Variants in SYT12 observed in about 807,000 individuals in gnomAD.
The protein encoded by SYT12 is synaptotagmin-12.
A neutral mutation model predicts 39.5 loss-of-function variants in SYT12; 27 were observed. The observed-to-expected ratio is 0.68, with a 90% CI of 0.50 to 0.94. SYT12 has a LOEUF of 0.94. SYT12 is among the 40% of genes least tolerant of loss of function. The pLI is 0.00. For synonymous variants in SYT12, 233 were observed against 239.7 expected, an observed-to-expected ratio of 0.97 and a Z score of 0.26; for missense variants, 536 against 572.6, an observed-to-expected ratio of 0.94 and a Z score of 0.65.
intron 3 of SYT12, among the ~76,000 whole-genome samples, chr11:67,039,336 C>T (rs1950452271): frequency 6.9e-6 from 1 of 145,674 alleles, no homozygotes. Context: ...CTAGGCTGGG[C>T]ACGGTGGCTC....
intron 2 of SYT12, chr11:67,030,851 C>T (rs918307011): frequency 1.3e-5 from 2 of 152,350 alleles, no homozygotes; most frequent in Non-Finnish European, 1.5e-5. Flanking sequence ...ACATACCAGC[C>T]GTCTTTTCTC....
At chr11:67,017,728 G>A (rs922386257) in intron 3 of SYT12, among the ~76,000 whole-genome samples, 2 of 151,286 alleles carry the variant, frequency 1.3e-5, no homozygotes. Flanking sequence ...GGGAGGCCAA[G>A]ACGGGTGGAT....
Position 67,044,633 on chromosome 11 carries a change from A to T in SYT12, c.878A>T (p.Tyr293Phe). ...GGGGAGATCCTGCTCTCCCTCAGCT[A>T]CCTCCCCACAGCCGAGCGCCTCACC... is the stretch of plus-strand genomic sequence containing the variant. ...AVGEILLSLS[Y>F]LPTAERLTVV... The change falls in exon 6 of 8, where the codon TAC becomes TTC. Residue 293 changes from tyrosine to phenylalanine, a missense_variant. By Grantham distance (22) the Tyr-to-Phe change is conservative. Transcript: ENST00000527043. 1 of 1,613,006 alleles carries T rather than the reference A, an allele frequency of 6.2e-7. No individual in the cohort carries two copies. Among genetic ancestry groups the T allele is most frequent in the Non-Finnish European group, 8.5e-7 (1 of 1,179,824 alleles).
At chr11:67,047,924 A>G (rs1472248651) in intron 7 of SYT12, among the ~76,000 whole-genome samples, 1 of 147,540 alleles carries the variant, frequency 6.8e-6, no homozygotes, top group Non-Finnish European at 1.5e-5. Flanking sequence ...AGTAGCTGGG[A>G]CTACAGGTGC....
intron 1 of SYT12, among the ~76,000 whole-genome samples, chr11:67,007,766 A>G (rs1425948631): frequency 6.6e-6 from 1 of 150,992 alleles, no homozygotes; most frequent in Non-Finnish European, 1.5e-5. Flanking sequence ...GTTTCCCTAC[A>G]TTGGCCAGCC....
At chr11:67,019,658 A>G (rs1248883892), upstream of SYT12, among the ~76,000 whole-genome samples, 1 of 152,068 alleles carries the variant, frequency 6.6e-6, no homozygotes, top group African/African-American at 2.4e-5. Context: ...ACACTTTGGG[A>G]GGCCGAGGAG....
At chr11:67,035,817 C>CCTTCCTTCCTTT (rs1950360850) in intron 3 of SYT12, among the ~76,000 whole-genome samples, 1 of 82,212 alleles carries the variant, frequency 1.2e-5, no homozygotes, top group Non-Finnish European at 2.3e-5. Context: ...TTCCTTCCTT[C>CCTTCCTTCCTTT]CTTCCTTCCT....
chr11:67,039,018 A>T (rs999634220), intron 3 of SYT12, among the ~76,000 whole-genome samples: 1 of 146,500 alleles, frequency 6.8e-6, no homozygotes, highest in Non-Finnish European at 1.5e-5. Context: ...ATAAATAAAT[A>T]GTTGGCCAGG....
At chr11:67,044,442 G>C in intron 5 of SYT12, 151 bp from the exon 6 acceptor site, 1 of 1,029,112 alleles carries the variant, frequency 9.7e-7, no homozygotes. Flanking sequence ...GGCTGTCCCT[G>C]CCTGCCTGGA....
At chr11:67,019,748 A>T (rs894239217), upstream of SYT12, among the ~76,000 whole-genome samples, 1 of 151,910 alleles carries the variant, frequency 6.6e-6, no homozygotes, top group African/African-American at 2.4e-5. Context: ...AATACAAAAA[A>T]TTAGCCATGC....
At chr11:67,038,859 C>T (rs904160280) in intron 3 of SYT12, among the ~76,000 whole-genome samples, 45 of 151,408 alleles carry the variant, frequency 3.0e-4, no homozygotes, top group African/African-American at 7.3e-4. Context: ...TGGTGGCAGG[C>T]GCCTGTAGTC....
intron 1 of SYT12, among the ~76,000 whole-genome samples, chr11:67,024,105 G>A (rs1249589586): frequency 6.6e-6 from 1 of 152,082 alleles, no homozygotes; most frequent in Non-Finnish European, 1.5e-5. Context: ...GTGGGGGGCC[G>A]GGAGCCTGGC....
intron 1 of SYT12, 82 bp from the exon 2 acceptor site, chr11:67,030,039 AC>A: frequency 7.8e-7 from 1 of 1,287,442 alleles, no homozygotes; most frequent in Non-Finnish European, 1.1e-6. Flanking sequence ...GATGACAGGC[AC>A]GTGGGTGCCA....
At position 67,023,312 on chromosome 11, in the gene SYT12, C is replaced by T. The variant is rs1950135018; in HGVS notation, c.-172C>T. 6.7e-6 allele frequency: 1 copy of T among 148,156 alleles called. No homozygotes were observed. The highest frequency in any genetic ancestry group is 1.5e-5 in the Non-Finnish European group (1 of 66,432). 9.2% of individuals were successfully genotyped at this position (148,156 alleles called of 1,614,324 possible). On this transcript the variant is annotated 5_prime_UTR_variant, in exon 1 of 8. Coordinates refer to ENST00000527043, the MANE Select transcript of SYT12 (RefSeq NM_177963.4). The stretch of plus-strand genomic sequence containing the variant: ...CCGGCCCGGCCGAGCCCCCGGCCCG[C>T]GCCGCGCTCCTCGGAGGCGGGAGCC...
At position 67,034,718 on chromosome 11, in the gene SYT12, T is replaced by C. The variant is rs775703960; in HGVS notation, c.108T>C (p.Ala36=). 6 of 1,603,014 alleles carry C rather than the reference T, an allele frequency of 3.7e-6. No homozygotes were observed. Among genetic ancestry groups the C allele is most frequent in the Non-Finnish European group, 4.3e-6 (5 of 1,175,854 alleles). The change falls in exon 3 of 8, where the codon GCT becomes GCC. Residue 36 remains alanine (A), a synonymous_variant. Coordinates refer to ENST00000527043, the MANE Select transcript of SYT12 (RefSeq NM_177963.4). ...AGALALLGIA[A]VSLWKLWTSG... ...CCCTGGCCCTGCTGGGAATCGCAGC[T>C]GTGAGCCTGTGGAAGCTCTGGACGT... is the stretch of plus-strand genomic sequence containing the variant.
At chr11:67,040,559 G>C (rs141196470) in intron 4 of SYT12, among the ~76,000 whole-genome samples, 1 of 152,224 alleles carries the variant, frequency 6.6e-6, no homozygotes, top group Non-Finnish European at 1.5e-5. Context: ...CAGGACTGGG[G>C]CTGGTTGTGG....
chr11:67,017,174 A>G (rs1950064844), intron 3 of SYT12, among the ~76,000 whole-genome samples: 1 of 152,118 alleles, frequency 6.6e-6, no homozygotes, highest in South Asian at 2.1e-4. Flanking sequence ...CAGAATGGTA[A>G]TTCAAGTTCA....
At chr11:67,046,789 G>A (rs887409182) in intron 7 of SYT12, among the ~76,000 whole-genome samples, 2 of 152,204 alleles carry the variant, frequency 1.3e-5, no homozygotes, top group Non-Finnish European at 2.9e-5. Flanking sequence ...AGATCGGGCT[G>A]GGTTTGAGTT....
At chr11:67,044,803 C>A in intron 6 of SYT12, 90 bp downstream of exon 6, 1 of 1,568,494 alleles carries the variant, frequency 6.4e-7, no homozygotes, top group Non-Finnish European at 8.7e-7. Flanking sequence ...GAGGCATCGG[C>A]AGGTGTGGGA....
Sources: allele counts gnomAD v4.1 joint callset (sites outside exome capture counted in the v4.1 genomes callset), GRCh38; gene constraint gnomAD v4.1.1; transcripts MANE v1.5; gene names NCBI Gene and HGNC (gene_info 2026-07-23, HGNC 2026-07-21).